The following SLC5A8 variants were observed in gnomAD, a reference collection of about 807,000 sequenced individuals.
SLC5A8 encodes sodium-coupled monocarboxylate transporter 1.
SLC5A8 carries 55 observed loss-of-function variants against 71.9 expected under a neutral mutation model. The observed-to-expected ratio is 0.77, with a 90% CI of 0.62 to 0.96. The LOEUF is 0.96. Ranked by LOEUF, SLC5A8 falls within the 40% of genes least tolerant of loss-of-function variation. The pLI, the probability that SLC5A8 is intolerant of heterozygous loss-of-function variation, is 0.00. For synonymous variants in SLC5A8, 307 were observed against 276.1 expected (o/e 1.11, Z -1.11); for missense variants, 701 against 745.3 (o/e 0.94, Z 0.69).
Position 101,184,156 on chromosome 12 carries a change from A to G in SLC5A8, c.1030T>C (p.Cys344Arg). 6.2e-7 allele frequency: 1 copy of G among 1,614,138 alleles called. No individual in the cohort carries two copies. Among genetic ancestry groups the G allele is most frequent in the South Asian group, 1.1e-5 (1 of 91,080 alleles). ...TACCTTAATGTCCCACTGTAAGCAC[A>G]GGCCACAAAAAGTCCAGGAAGTCCT... ...YPGLPGLFVA[C>R]AYSGTLSTVS... Residue 344 changes from cysteine to arginine, a missense_variant, in exon 8 of 15, where the codon TGT (cysteine) becomes CGT (arginine). Physicochemically the swap from Cys to Arg is radical, Grantham distance 180. Coordinates refer to ENST00000536262, the MANE Select transcript of SLC5A8 (RefSeq NM_145913.5).
chr12:101,182,426 C>T (rs1190039305), intron 9 of SLC5A8, among the ~76,000 whole-genome samples: 1 of 152,074 alleles, frequency 6.6e-6, no homozygotes, highest in Admixed American at 6.6e-5. Context: ...AGGGATATTT[C>T]TTAGAACTGT....
rs1389058611 is a variant in SLC5A8 at position 101,155,825 on chromosome 12, A to C, written c.*1454T>G. 6.7e-6 allele frequency: 1 copy of C among 149,836 alleles called. No individual in the cohort carries two copies. Among genetic ancestry groups the C allele is most frequent in the South Asian group, 2.1e-4 (1 of 4,752 alleles). The allele number at this position is 149,836 out of a possible 1,614,324, so 9.3% of individuals were successfully genotyped here. A position where few individuals can be genotyped will look rare whatever the true frequency, so the allele number is the denominator to read the frequency against. ...TTTTTTTTTTTTTAAATTTCTTAAC[A>C]TTGTCAGTTAGCAACCTCTAAATGT... On this transcript the variant is annotated 3_prime_UTR_variant, in exon 15 of 15. Transcript: ENST00000536262.
intron 1 of SLC5A8, among the ~76,000 whole-genome samples, chr12:101,207,517 C>T (rs141847249): frequency 6.6e-6 from 1 of 152,308 alleles, no homozygotes; most frequent in East Asian, 1.9e-4. Context: ...CTAACTTAGC[C>T]TCTACCACTG....
intron 1 of SLC5A8, among the ~76,000 whole-genome samples, chr12:101,207,018 C>T (rs1472161725): frequency 6.6e-6 from 1 of 152,210 alleles, no homozygotes; most frequent in Non-Finnish European, 1.5e-5. Flanking sequence ...CAACACTGTA[C>T]AGCATATTCT....
intron 2 of SLC5A8, 99 bp downstream of exon 2, chr12:101,204,401 T>C (rs1869589506): frequency 9.6e-7 from 1 of 1,046,870 alleles, no homozygotes; most frequent in Non-Finnish European, 1.4e-6. Context: ...CAACATCTCT[T>C]TTTTGTCTTT....
chr12:101,189,061 C>T (rs1224900539), intron 6 of SLC5A8, among the ~76,000 whole-genome samples: 1 of 152,096 alleles, frequency 6.6e-6, no homozygotes. Flanking sequence ...TGCAGGAGAT[C>T]TACTATGCTT....
At chr12:101,194,404 T>C (rs924634720) in intron 4 of SLC5A8, among the ~76,000 whole-genome samples, 13 of 152,302 alleles carry the variant, frequency 8.5e-5, no homozygotes, top group African/African-American at 3.1e-4. Flanking sequence ...ATAATATCAG[T>C]GCCATGCCAT....
At chr12:101,186,452 T>C (rs1223542304) in intron 7 of SLC5A8, among the ~76,000 whole-genome samples, 1 of 152,234 alleles carries the variant, frequency 6.6e-6, no homozygotes, top group Non-Finnish European at 1.5e-5. Context: ...CCTAGGAACT[T>C]GTTCCGCAAG....
chr12:101,173,060 C>T (rs1469374662), intron 10 of SLC5A8, among the ~76,000 whole-genome samples: 1 of 152,180 alleles, frequency 6.6e-6, no homozygotes, highest in Non-Finnish European at 1.5e-5. Context: ...GTGCTATTTG[C>T]CAGGCCTGAA....
chr12:101,171,824 T>C (rs1173222898), intron 10 of SLC5A8, among the ~76,000 whole-genome samples: 5 of 152,122 alleles, frequency 3.3e-5, no homozygotes, highest in African/African-American at 1.2e-4. Flanking sequence ...AATTGGTGAA[T>C]AGGTCTGGAG....
intron 6 of SLC5A8, among the ~76,000 whole-genome samples, chr12:101,188,984 C>T (rs1290946630): frequency 1.3e-5 from 2 of 152,182 alleles, no homozygotes; most frequent in Non-Finnish European, 2.9e-5. Context: ...GGGATTCATT[C>T]TTACCATAGC....
intron 9 of SLC5A8, among the ~76,000 whole-genome samples, chr12:101,181,819 A>C (rs1255072767): frequency 6.6e-6 from 1 of 152,220 alleles, no homozygotes; most frequent in African/African-American, 2.4e-5. Context: ...TAATAAAATG[A>C]TGCATTGCTA....
chr12:101,195,166 T>C lies in SLC5A8; in HGVS notation c.470-4A>G, dbSNP rs772008645. ...CCCCACAGATCAAATCCTGTGACTG[T>C]AGAAAAAAATAGAATGCATATATAA... is the stretch of plus-strand genomic sequence containing the variant. On this transcript the variant is annotated splice_region_variant and splice_polypyrimidine_tract_variant and intron_variant, in intron 3 of 14. Transcript: ENST00000536262. 33 of 1,613,430 alleles carry C rather than the reference T, an allele frequency of 2.0e-5. No individual in the cohort carries two copies. Among genetic ancestry groups the C allele is most frequent in the African/African-American group, 2.7e-5 (2 of 74,842 alleles).
intron 5 of SLC5A8, 147 bp downstream of exon 5, chr12:101,193,478 G>A (rs976268595): frequency 2.6e-5 from 22 of 850,312 alleles, no homozygotes; most frequent in Admixed American, 5.3e-5. Context: ...GGCTCCTTAC[G>A]TATTTACTTC....
At chr12:101,186,049 C>G (rs921307394) in intron 7 of SLC5A8, among the ~76,000 whole-genome samples, 1 of 147,600 alleles carries the variant, frequency 6.8e-6, no homozygotes, top group African/African-American at 2.5e-5. Flanking sequence ...ATGTATTCTA[C>G]AAGATGTCTC....
At chr12:101,172,624 C>A (rs115526319) in intron 10 of SLC5A8, among the ~76,000 whole-genome samples, 1 of 151,966 alleles carries the variant, frequency 6.6e-6, no homozygotes, top group Admixed American at 6.6e-5. Context: ...GGGTAGGGAG[C>A]GAGGTGCTGT....
chr12:101,157,484 T>A (rs1384426866), intron 14 of SLC5A8, 83 bp from the exon 15 acceptor site: 1 of 1,457,142 alleles, frequency 6.9e-7, no homozygotes, highest in East Asian at 2.5e-5. Flanking sequence ...GTTTCTACTA[T>A]TTTTATTTCT....
intron 10 of SLC5A8, among the ~76,000 whole-genome samples, chr12:101,179,806 G>A (rs1367189452): frequency 6.6e-6 from 1 of 152,064 alleles, no homozygotes; most frequent in Non-Finnish European, 1.5e-5. Context: ...TGAGTAAAGA[G>A]TATATGAGAT....
chr12:101,158,550 G>GTCTCTCTCTC (rs372186123), intron 13 of SLC5A8, among the ~76,000 whole-genome samples: 109 of 48,460 alleles, frequency 2.2e-3, no homozygotes, highest in South Asian at 5.6e-3. Flanking sequence ...ATAAATATGA[G>GTCTCTCTCTC]TCTCTCTCTC....
Sources: gnomAD v4.1 joint callset for allele counts (sites outside exome capture counted in the v4.1 genomes callset) on GRCh38, gnomAD v4.1.1 for gene constraint, MANE v1.5 for transcripts, NCBI Gene and HGNC (gene_info 2026-07-23, HGNC 2026-07-21) for gene names.